The following FGFRL1 variants were observed in gnomAD, a reference collection of about 807,000 sequenced individuals.
The protein encoded by FGFRL1 is fibroblast growth factor receptor-like 1.
A neutral mutation model predicts 36.8 loss-of-function variants in FGFRL1; 24 were observed. The observed-to-expected ratio is 0.65, with a 90% CI of 0.47 to 0.92. The LOEUF (loss-of-function observed/expected upper bound fraction) is 0.92. Ranked by LOEUF, FGFRL1 falls within the 40% of genes least tolerant of loss-of-function variation. The probability of loss-of-function intolerance (pLI) is 0.00; values close to 1 mark genes in which losing one functional copy is unlikely to be tolerated. For missense variants in FGFRL1, 785 were observed against 753.4 expected, an observed-to-expected ratio of 1.04 and a Z score of -0.49; for synonymous variants, 422 against 344.1, an observed-to-expected ratio of 1.23 and a Z score of -2.50.
upstream of FGFRL1, chr4:1,011,156 T>C (rs1459405380): frequency 6.6e-6 from 1 of 152,008 alleles, no homozygotes; most frequent in Non-Finnish European, 1.5e-5. Context: ...TCCGCCCCCT[T>C]CTGAGCAACC....
At chr4:1,014,103 A>G (rs527495959) in intron 2 of FGFRL1, among the ~76,000 whole-genome samples, 1 of 152,318 alleles carries the variant, frequency 6.6e-6, no homozygotes, top group African/African-American at 2.4e-5. Context: ...CCCACTGTGC[A>G]CCTTCGTTAG....
At position 1,022,405 on chromosome 4, in the gene FGFRL1, C is replaced by T. The variant is rs558236459; in HGVS notation, c.282C>T (p.Ala94=). The T allele has an allele frequency of 1.2e-5, 19 of 1,611,700 alleles. No homozygotes were observed. The highest frequency in any genetic ancestry group is 6.6e-5 in the South Asian group (6 of 90,984). The change falls in exon 3 of 7, where the codon GCC becomes GCT. Residue 94 remains alanine, a synonymous_variant. Transcript: ENST00000510644. ...LKVKQVERED[A]GVYVCKATNG... ...TGAAGCAGGTGGAGCGGGAGGATGCCGGCGTGTACGTGTGCAAGGCCACCA... is the reference window on the plus strand; with the variant it reads ...TGAAGCAGGTGGAGCGGGAGGATGCTGGCGTGTACGTGTGCAAGGCCACCA...
rs773886054 is a variant in FGFRL1, at chr4:1,023,982, GGAA to G, written c.607_609del (p.Lys203del). On this transcript the variant is annotated inframe_deletion, in exon 5 of 7. Coordinates refer to ENST00000510644, the MANE Select transcript of FGFRL1 (RefSeq NM_001004356.3). This position sits in a 1 kb window ranked among gnomAD's most constrained non-coding sequence, Gnocchi z 6.0. The stretch of plus-strand genomic sequence containing the variant: ...ACGCGCCCAGAGGCCGCTGAGCCCA[GGAA>G]GAAGAAGTGGACACTGAGCCTGAAG... The G allele has an allele frequency of 1.5e-4, 241 of 1,603,916 alleles. No homozygotes were observed. The highest frequency in any genetic ancestry group is 1.8e-4 in the Non-Finnish European group (208 of 1,177,236).
intron 6 of FGFRL1, 78 bp from the exon 7 acceptor site, chr4:1,024,827 C>G (rs781445001): frequency 6.8e-7 from 1 of 1,461,554 alleles, no homozygotes; most frequent in Admixed American, 2.1e-5. Flanking sequence ...TCCACAGCCC[C>G]TGGGATGGGT....
At chr4:1,018,282 C>T (rs1413532702) in intron 2 of FGFRL1, among the ~76,000 whole-genome samples, 2 of 152,018 alleles carry the variant, frequency 1.3e-5, no homozygotes, top group East Asian at 3.9e-4. Flanking sequence ...GGCAGAGCGG[C>T]CTCTGGGCCT....
Position 1,022,472 on chromosome 4 carries a change from C to A in FGFRL1, c.349C>A (p.Leu117Met). The A allele has an allele frequency of 6.3e-7, 1 of 1,595,422 alleles. No homozygotes were observed. The highest frequency in any genetic ancestry group is 8.5e-7 in the Non-Finnish European group (1 of 1,169,660). Residue 117 changes from leucine (L) to methionine (M), a missense_variant, in exon 3 of 7, where the codon CTG (leucine) becomes ATG (methionine). Physicochemically the swap from Leu to Met is conservative, Grantham distance 15 (BLOSUM62 2). Transcript: ENST00000510644. The stretch of plus-strand genomic sequence containing the variant: ...GAGCGTCAACTACACCCTCGTCGTG[C>A]TGGGTTAGTCGCTGCTGCGGTCAGA... ...SLSVNYTLVV[L>M]DDISPGKESL...
intron 2 of FGFRL1, among the ~76,000 whole-genome samples, chr4:1,013,812 T>C (rs1715739116): frequency 6.6e-6 from 1 of 152,268 alleles, no homozygotes. Context: ...GCCATGGCAG[T>C]GGGCGGCAGA....
chr4:1,025,704 A>C lies in FGFRL1; in HGVS notation c.*357A>C. 3 of 341,022 alleles carry C rather than the reference A, an allele frequency of 8.8e-6. No homozygotes were observed. Among genetic ancestry groups the C allele is most frequent in the Non-Finnish European group, 1.6e-5 (3 of 182,528 alleles). The allele number at this position is 341,022 out of a possible 1,614,324, so 21.1% of individuals were successfully genotyped here. A position where few individuals can be genotyped will look rare whatever the true frequency, so the allele number is the denominator to read the frequency against. On this transcript the variant is annotated 3_prime_UTR_variant, in exon 7 of 7. Transcript: ENST00000510644. Reference sequence around the variant, plus strand: ...ATGCTGCCTGAACATACACACGCACACCCATGCGCAGATGTGCTGCCTGGA... The same window carrying C: ...ATGCTGCCTGAACATACACACGCACCCCCATGCGCAGATGTGCTGCCTGGA...
upstream of FGFRL1, among the ~76,000 whole-genome samples, chr4:1,011,492 G>A (rs1715578365): frequency 6.8e-6 from 1 of 146,308 alleles, no homozygotes; most frequent in Admixed American, 6.8e-5. Flanking sequence ...CGGCGGGGCG[G>A]GGGCGGTGTG....
At chr4:1,024,755 T>A (rs1327916199) in intron 6 of FGFRL1, 91 bp downstream of exon 6, 3 of 1,386,958 alleles carry the variant, frequency 2.2e-6, no homozygotes, top group Middle Eastern at 2.0e-4. Flanking sequence ...GGCCCCACCC[T>A]TCCCTCCCGG....
Position 1,024,018 on chromosome 4 carries a change from G to A in FGFRL1, c.635G>A (p.Arg212Gln), listed in dbSNP as rs759093103. 50 of 1,607,662 alleles carry A rather than the reference G, an allele frequency of 3.1e-5. 1 individual carries two copies. The Admixed American group carries it at 6.7e-4, about 22-fold the overall frequency. The change falls in exon 5 of 7, where the codon CGG becomes CAG. Residue 212 changes from arginine to glutamine, a missense_variant. By Grantham distance (43) the Arg-to-Gln change is conservative. Coordinates refer to ENST00000510644, the MANE Select transcript of FGFRL1 (RefSeq NM_001004356.3). ...KKWTLSLKNL[R>Q]PEDSGKYTCR... ...TGGACACTGAGCCTGAAGAACCTGC[G>A]GCCGGAGGACAGCGGCAAATACACC...
intron 2 of FGFRL1, 46 bp downstream of exon 2, chr4:1,012,610 C>T (rs775718934): frequency 5.5e-6 from 5 of 906,266 alleles, no homozygotes; most frequent in African/African-American, 1.8e-5. Flanking sequence ...CCGCCAGCGC[C>T]GCCCCCTTCC....
At chr4:1,014,809 C>T (rs1560558216) in intron 2 of FGFRL1, among the ~76,000 whole-genome samples, 1 of 152,152 alleles carries the variant, frequency 6.6e-6, no homozygotes, top group Non-Finnish European at 1.5e-5. Flanking sequence ...ATCGGGCCAG[C>T]CGCCCCGTTT....
At position 1,026,812 on chromosome 4, in the gene FGFRL1, A is replaced by T. The variant is rs764609587; in HGVS notation, c.*1465A>T. On this transcript the variant is annotated 3_prime_UTR_variant, in exon 7 of 7. Transcript: ENST00000510644. ...CACCCCACTGTCGTGGTGGCCCCAG[A>T]TCTCTGTAATTTTATGTAGAGTTTG... 5 of 455,416 alleles carry T rather than the reference A, an allele frequency of 1.1e-5. 1 individual carries two copies. Among genetic ancestry groups the T allele is most frequent in the South Asian group, 7.8e-5 (5 of 64,314 alleles). 28.2% of individuals were successfully genotyped at this position (455,416 alleles called of 1,614,324 possible).
rs761256263 is a variant in FGFRL1 at position 1,023,615 on chromosome 4, C to A, written c.353-26C>A. 1 of 1,577,078 alleles carries A rather than the reference C, an allele frequency of 6.3e-7. No homozygotes were observed. Among genetic ancestry groups the A allele is most frequent in the Non-Finnish European group, 8.6e-7 (1 of 1,162,898 alleles). The stretch of plus-strand genomic sequence containing the variant: ...CCTCAGGGCCCCCCTCACCTGCCCT[C>A]CCTGTGCACCTCCGTCTCTCTGCAG... On this transcript the variant is annotated intron_variant, in intron 3 of 6. Coordinates refer to ENST00000510644, the MANE Select transcript of FGFRL1 (RefSeq NM_001004356.3). The surrounding 1 kb of genome is among the most constrained non-coding windows in gnomAD (Gnocchi z 6.0).
upstream of FGFRL1, chr4:1,011,053 C>T (rs900911787): frequency 1.3e-5 from 2 of 152,216 alleles, no homozygotes; most frequent in Non-Finnish European, 2.9e-5. Flanking sequence ...TCCCCAGCAG[C>T]TCCGGCTGGG....
At chr4:1,013,468 A>G (rs543221609) in intron 2 of FGFRL1, among the ~76,000 whole-genome samples, 13 of 152,284 alleles carry the variant, frequency 8.5e-5, no homozygotes, top group African/African-American at 2.9e-4. Flanking sequence ...ACCTGGCCTT[A>G]TATGGGCACG....
Position 1,023,521 on chromosome 4 carries a change from G to T in FGFRL1, c.353-120G>T. ...CTGTGGGTGTGTGGCGCAGCCCCCT[G>T]CCTGGGTGTCCAGGGCTGTCCCGGC... On this transcript the variant is annotated intron_variant, in intron 3 of 6. Coordinates refer to ENST00000510644, the MANE Select transcript of FGFRL1 (RefSeq NM_001004356.3). The surrounding 1 kb of genome is among the most constrained non-coding windows in gnomAD (Gnocchi z 6.0). 1 of 911,090 alleles carries T rather than the reference G, an allele frequency of 1.1e-6. No homozygotes were observed. The highest frequency in any genetic ancestry group is 1.7e-6 in the Non-Finnish European group (1 of 575,462). The allele number at this position is 911,090 out of a possible 1,614,324, so 56.4% of individuals were successfully genotyped here.
At position 1,023,380 on chromosome 4, in the gene FGFRL1, C is replaced by T. The variant is rs901151104; in HGVS notation, c.353-261C>T. 7.2e-5 allele frequency among the ~76,000 whole-genome samples: 11 copies of T among 152,158 alleles called. No homozygotes were observed. The highest frequency in any genetic ancestry group is 1.3e-4 in the Admixed American group (2 of 15,292). ...CGGCTCCCTCCTCCCCCGGGGCCTG[C>T]AGACCCCCCGGAGCCAGAATGGGGG... is the stretch of plus-strand genomic sequence containing the variant. On this transcript the variant is annotated intron_variant, in intron 3 of 6. Transcript: ENST00000510644. This position sits in a 1 kb window ranked among gnomAD's most constrained non-coding sequence, Gnocchi z 6.0.
Sources: gnomAD v4.1 joint callset for allele counts (sites outside exome capture counted in the v4.1 genomes callset) on GRCh38, gnomAD v4.1.1 for gene constraint, Gnocchi (gnomAD v3.1) non-coding constraint, MANE v1.5 for transcripts, NCBI Gene and HGNC (gene_info 2026-07-23, HGNC 2026-07-21) for gene names.